TRPM7: variants seen among roughly 807,000 people sequenced by gnomAD.
TRPM7 encodes the protein LTRPC ion channel family member 7.
In TRPM7, 134 loss-of-function variants were observed where a neutral mutation model predicts 229.7. The observed-to-expected ratio is 0.58, with a 90% confidence interval of 0.51 to 0.67. The LOEUF (loss-of-function observed/expected upper bound fraction) is 0.67, where lower values mean the gene tolerates loss of function less well. TRPM7 is among the 30% of genes least tolerant of loss of function. The pLI is 0.00. For synonymous variants in TRPM7, 699 were observed against 715.2 expected (o/e 0.98, Z 0.36); for missense variants, 1,901 against 2,210.0 (o/e 0.86, Z 2.80).
rs11635825 is a variant in TRPM7 at position 50,662,750 on chromosome 15, T to C, written c.83+217A>G. ...ATGGAGGAACACTTCAAGGAAGAGA[T>C]TGTATGCTGTAAATGGCATTAAGAA... On this transcript the variant is annotated intron_variant, in intron 2 of 38. Coordinates refer to ENST00000646667, the MANE Select transcript of TRPM7 (RefSeq NM_017672.6). Among the ~76,000 whole-genome samples, 21,016 of 152,130 alleles carry C rather than the reference T, an allele frequency of 0.14. 1,492 individuals are homozygous for C. The highest frequency in any genetic ancestry group is 0.2 in the Middle Eastern group (60 of 294).
intron 1 of TRPM7, among the ~76,000 whole-genome samples, chr15:50,675,819 T>C (rs565073961): frequency 3.9e-5 from 6 of 152,372 alleles, no homozygotes; most frequent in Admixed American, 6.5e-5. Flanking sequence ...AGAATGCTAG[T>C]AGAGCAGGGA....
At chr15:50,636,442 C>T (rs1418150026) in intron 7 of TRPM7, among the ~76,000 whole-genome samples, 2 of 152,142 alleles carry the variant, frequency 1.3e-5, no homozygotes, top group African/African-American at 2.4e-5. Flanking sequence ...CCACCCACCT[C>T]GGCCTCCCAA....
At chr15:50,666,788 GC>G (rs2061893547) in intron 1 of TRPM7, among the ~76,000 whole-genome samples, 1 of 151,942 alleles carries the variant, frequency 6.6e-6, no homozygotes, top group African/African-American at 2.4e-5. Flanking sequence ...GGCAACAAGA[GC>G]AAAAACTGTC....
At position 50,632,884 on chromosome 15, in the gene TRPM7, C is replaced by T; in HGVS notation, c.1116G>A (p.Met372Ile). 6.5e-7 allele frequency: 1 copy of T among 1,538,660 alleles called. No individual in the cohort carries two copies. The highest frequency in any genetic ancestry group is 8.7e-7 in the Non-Finnish European group (1 of 1,150,214). The change falls in exon 9 of 39, where the codon ATG becomes ATA. Residue 372 changes from methionine (M) to isoleucine (I), a missense_variant. Coordinates refer to ENST00000646667, the MANE Select transcript of TRPM7 (RefSeq NM_017672.6). ...LHLFQTLMEC[M>I]KRKELITVFH... is the part of the protein sequence containing the mutation. ...ATCTACTTACAAGCTCCTTTCTTTT[C>T]ATGCACTCCATCAGTGTTTGAAATA...
chr15:50,644,797 CAAAAAAAAAAA>C (rs201997665), intron 4 of TRPM7, among the ~76,000 whole-genome samples: 21 of 64,830 alleles, frequency 3.2e-4, no homozygotes, highest in South Asian at 9.6e-4. Flanking sequence ...AACTGCGTCT[CAAAAAAAAAAA>C]AAAAAAAAAA....
intron 1 of TRPM7, among the ~76,000 whole-genome samples, chr15:50,669,022 A>G (rs1056139283): frequency 2.6e-5 from 4 of 152,170 alleles, no homozygotes; most frequent in African/African-American, 9.7e-5. Flanking sequence ...CTGACCTGTG[A>G]TAAGTTAAGA....
At chr15:50,584,228 T>C (rs1200192683) in intron 28 of TRPM7, among the ~76,000 whole-genome samples, 2 of 152,156 alleles carry the variant, frequency 1.3e-5, no homozygotes, top group East Asian at 1.9e-4. Context: ...AGAACAAAAT[T>C]TGTATTCCAG....
chr15:50,680,454 A>G (rs941617639), intron 1 of TRPM7, among the ~76,000 whole-genome samples: 1 of 151,876 alleles, frequency 6.6e-6, no homozygotes, highest in African/African-American at 2.4e-5. Context: ...CTGTAACCTC[A>G]GCTACTTGGG....
chr15:50,604,132 A>G (rs1279516875), intron 21 of TRPM7: 2 of 152,358 alleles, frequency 1.3e-5, no homozygotes, highest in African/African-American at 2.4e-5. Flanking sequence ...TTTCAGATTC[A>G]GTGTATAAAA....
At chr15:50,621,680 A>G (rs2060411402) in intron 12 of TRPM7, among the ~76,000 whole-genome samples, 1 of 152,212 alleles carries the variant, frequency 6.6e-6, no homozygotes, top group Non-Finnish European at 1.5e-5. Flanking sequence ...TAGACTTTAA[A>G]GACATTTGCA....
Position 50,575,764 on chromosome 15 carries a change from C to G in TRPM7, c.4695G>C (p.Arg1565Ser), listed in dbSNP as rs1435531244. ...GTGTAAATGGAATGCTCTGTGATAA[C>G]CTCATCAAGTTATTTCTTTCCACAG... ...YSAVERNNLM[R>S]LSQSIPFTPV... The change falls in exon 33 of 39, where the codon AGG (arginine) becomes AGC (serine). Residue 1565 changes from arginine to serine, a missense_variant. Physicochemically the swap from Arg to Ser is moderately radical, Grantham distance 110. Around this residue, in one of 8 missense-constraint regions of TRPM7, gnomAD observed 257 missense variants for 352.0 expected, o/e 0.73. Coordinates refer to ENST00000646667, the MANE Select transcript of TRPM7 (RefSeq NM_017672.6). The G allele has an allele frequency of 1.9e-6, 3 of 1,613,418 alleles. No individual in the cohort carries two copies. The highest frequency in any genetic ancestry group is 2.5e-6 in the Non-Finnish European group (3 of 1,179,744).
intron 27 of TRPM7, among the ~76,000 whole-genome samples, chr15:50,587,405 C>CT (rs34826776): frequency 0.087 from 7,980 of 91,570 alleles, 1,184 homozygotes; most frequent in African/African-American, 0.1. Context: ...ATAAATACTG[C>CT]TTTTTTTTTT....
intron 13 of TRPM7, among the ~76,000 whole-genome samples, chr15:50,617,362 G>C (rs977121495): frequency 6.7e-6 from 1 of 150,350 alleles, no homozygotes; most frequent in Non-Finnish European, 1.5e-5. Context: ...AATCAGTCAG[G>C]CTTGGTGGCA....
intron 4 of TRPM7, among the ~76,000 whole-genome samples, chr15:50,646,207 C>G (rs2140811096): frequency 6.6e-6 from 1 of 151,942 alleles, no homozygotes; most frequent in African/African-American, 2.4e-5. Context: ...AGATGATGAG[C>G]TCACTGTTGG....
Position 50,639,479 on chromosome 15 carries a change from A to G in TRPM7, c.605T>C (p.Ile202Thr). ...ASRSSRKICT[I>T]GIAPWGVIEN... ...AATCACTCCCCATGGAGCTATTCCG[A>G]TAGTGCAAATCTTTCGAGATGATCT... is the stretch of plus-strand genomic sequence containing the variant. The change falls in exon 6 of 39, where the codon ATC becomes ACC. Residue 202 changes from isoleucine to threonine, a missense_variant. Transcript: ENST00000646667. The G allele has an allele frequency of 6.2e-7, 1 of 1,612,292 alleles. No homozygotes were observed. The highest frequency in any genetic ancestry group is 8.5e-7 in the Non-Finnish European group (1 of 1,178,810).
intron 15 of TRPM7, among the ~76,000 whole-genome samples, chr15:50,613,501 CA>C (rs67505794): frequency 0.032 from 2,003 of 62,806 alleles, 13 homozygotes; most frequent in African/African-American, 0.11. Context: ...ACTCCTGTCT[CA>C]AAAAAAAAAA....
chr15:50,675,688 G>C (rs1026138686), intron 1 of TRPM7, among the ~76,000 whole-genome samples: 13 of 152,174 alleles, frequency 8.5e-5, no homozygotes, highest in African/African-American at 3.1e-4. Context: ...TATACACTTT[G>C]CTTTTTAATT....
chr15:50,671,131 T>C (rs1272728555), intron 1 of TRPM7, among the ~76,000 whole-genome samples: 2 of 152,198 alleles, frequency 1.3e-5, no homozygotes, highest in African/African-American at 4.8e-5. Context: ...AGTCACCATG[T>C]TGTACAGAAG....
chr15:50,670,034 C>G (rs1180031950), intron 1 of TRPM7, among the ~76,000 whole-genome samples: 2 of 152,126 alleles, frequency 1.3e-5, no homozygotes, highest in African/African-American at 4.8e-5. Context: ...ATTAATCTTT[C>G]AGATATCATG....
Sources: allele counts gnomAD v4.1 joint callset (sites outside exome capture counted in the v4.1 genomes callset), GRCh38; gene constraint gnomAD v4.1.1; regional missense constraint gnomAD v4.1.1; transcripts MANE v1.5; gene names NCBI Gene and HGNC (gene_info 2026-07-23, HGNC 2026-07-21).